The following KDM4B variants were observed in gnomAD, a reference collection of about 807,000 sequenced individuals.
The protein encoded by KDM4B is lysine demethylase 4B.
In KDM4B, 32 loss-of-function variants were observed where a neutral mutation model predicts 125.2. The ratio of observed to expected loss-of-function variants is 0.26; its 90% CI spans 0.19 to 0.34. KDM4B has a LOEUF of 0.34. KDM4B is among the 10% of genes least tolerant of loss of function. The pLI, the probability that KDM4B is intolerant of heterozygous loss-of-function variation, is 1.00. For synonymous variants in KDM4B, 721 were observed against 677.9 expected (o/e 1.06, Z -0.99); for missense variants, 1,190 against 1,577.7 (o/e 0.75, Z 4.16).
chr19:5,032,451 C>T (rs896249307), intron 2 of KDM4B, among the ~76,000 whole-genome samples: 2 of 152,212 alleles, frequency 1.3e-5, no homozygotes, highest in East Asian at 1.9e-4. Flanking sequence ...CACCCATGGC[C>T]GCCCTCACCT....
chr19:5,132,074 G>T, intron 13 of KDM4B, 67 bp downstream of exon 13: 1 of 1,483,586 alleles, frequency 6.7e-7, no homozygotes. Flanking sequence ...GCTGGAGGGG[G>T]GGCCTGGCTC....
At chr19:5,126,116 A>C (rs919321428) in intron 11 of KDM4B, among the ~76,000 whole-genome samples, 1 of 152,056 alleles carries the variant, frequency 6.6e-6, no homozygotes. Flanking sequence ...GTGTTTTCAT[A>C]TGGAACAAGC....
intron 1 of KDM4B, among the ~76,000 whole-genome samples, chr19:4,989,834 G>T (rs1370753913): frequency 6.6e-6 from 1 of 152,142 alleles, no homozygotes; most frequent in Non-Finnish European, 1.5e-5. Context: ...TGCATTTTTA[G>T]TAGAGATAGG....
intron 1 of KDM4B, among the ~76,000 whole-genome samples, chr19:5,014,325 G>A (rs1052777700): frequency 6.6e-6 from 1 of 152,144 alleles, no homozygotes; most frequent in Non-Finnish European, 1.5e-5. Context: ...TGCCCAGGCT[G>A]GGGTGCAGTG....
chr19:4,982,634 G>A (rs1270202275), intron 1 of KDM4B, among the ~76,000 whole-genome samples: 2 of 149,162 alleles, frequency 1.3e-5, no homozygotes, highest in South Asian at 2.1e-4. Context: ...TTTTTTTGTG[G>A]CGGAGTCTCA....
intron 1 of KDM4B, among the ~76,000 whole-genome samples, chr19:5,007,082 A>G (rs532590759): frequency 2.2e-4 from 33 of 152,254 alleles, no homozygotes; most frequent in Non-Finnish European, 4.7e-4. Context: ...AATCTTCTAG[A>G]AGGGCCTTGG....
At chr19:5,042,537 C>T (rs1208417635) in intron 5 of KDM4B, among the ~76,000 whole-genome samples, 4 of 151,592 alleles carry the variant, frequency 2.6e-5, no homozygotes, top group Admixed American at 6.6e-5. Flanking sequence ...ACACCTGAGA[C>T]TGGGTAGTGA....
intron 1 of KDM4B, among the ~76,000 whole-genome samples, chr19:5,012,347 G>A (rs1193879139): frequency 2.0e-5 from 3 of 152,320 alleles, no homozygotes; most frequent in South Asian, 2.1e-4. Context: ...CTGTTGTGGC[G>A]CATTTGTCTC....
intron 6 of KDM4B, among the ~76,000 whole-genome samples, chr19:5,059,387 C>T (rs1351641377): frequency 1.3e-5 from 2 of 152,246 alleles, no homozygotes; most frequent in Non-Finnish European, 2.9e-5. Flanking sequence ...CCTCATTCAG[C>T]AGCCTCCCGC....
chr19:5,013,642 G>T (rs1188387134), intron 1 of KDM4B, among the ~76,000 whole-genome samples: 1 of 152,170 alleles, frequency 6.6e-6, no homozygotes, highest in Non-Finnish European at 1.5e-5. Flanking sequence ...ACAGCGCAGC[G>T]TTTTCCAGGC....
intron 2 of KDM4B, among the ~76,000 whole-genome samples, chr19:5,032,153 C>G (rs1444365760): frequency 6.6e-6 from 1 of 152,228 alleles, no homozygotes; most frequent in Admixed American, 6.5e-5. Context: ...CCGCAGCCTC[C>G]GTGGAGAGGA....
intron 21 of KDM4B, among the ~76,000 whole-genome samples, chr19:5,148,488 G>A (rs1025117800): frequency 6.6e-6 from 1 of 152,226 alleles, no homozygotes; most frequent in African/African-American, 2.4e-5. Context: ...TCTAGAACGC[G>A]CCTTCCCCTC....
At chr19:5,038,081 C>T (rs932769451) in intron 3 of KDM4B, among the ~76,000 whole-genome samples, 4 of 152,318 alleles carry the variant, frequency 2.6e-5, no homozygotes, top group South Asian at 2.1e-4. Flanking sequence ...TGGCCCGGGG[C>T]GCGGAGGGGC....
At chr19:5,103,107 C>T (rs752830437) in intron 9 of KDM4B, among the ~76,000 whole-genome samples, 2 of 152,130 alleles carry the variant, frequency 1.3e-5, no homozygotes, top group Admixed American at 1.3e-4. Context: ...TTGGAAGGCA[C>T]TGCTGCCAGT....
intron 3 of KDM4B, among the ~76,000 whole-genome samples, chr19:5,038,749 A>G (rs553594714): frequency 6.6e-6 from 1 of 152,254 alleles, no homozygotes; most frequent in African/African-American, 2.4e-5. Flanking sequence ...GAGCTCTGCC[A>G]TTCCTCCCAC....
At chr19:5,016,127 C>G (rs1466518365) in intron 1 of KDM4B, 130 bp from the exon 2 acceptor site, 1 of 152,150 alleles carries the variant, frequency 6.6e-6, no homozygotes, top group Non-Finnish European at 1.5e-5. Flanking sequence ...TAAAAATTGA[C>G]AAGAATGTGG....
At position 5,047,574 on chromosome 19, in the gene KDM4B, G is replaced by C. The variant is rs749697727; in HGVS notation, c.531G>C (p.Leu177=). ...TIIEGVNTPY[L]YFGMWKTTFA... is the part of the protein sequence containing the mutation. Reference sequence around the variant, plus strand: ...TCGAGGGCGTGAACACGCCCTACCTGTACTTCGGCATGTGGAAGACCACCT... The same window carrying C: ...TCGAGGGCGTGAACACGCCCTACCTCTACTTCGGCATGTGGAAGACCACCT... Residue 177 remains leucine (L), a synonymous_variant, in exon 6 of 23, where the codon CTG becomes CTC. Transcript: ENST00000159111. 1.2e-6 allele frequency: 2 copies of C among 1,614,060 alleles called. No individual in the cohort carries two copies. The highest frequency in any genetic ancestry group is 1.1e-5 in the South Asian group (1 of 91,092).
chr19:5,135,530 C>T lies in KDM4B; in HGVS notation c.2277C>T (p.Ala759=). 6.2e-7 allele frequency: 1 copy of T among 1,607,072 alleles called. No individual in the cohort carries two copies. Among genetic ancestry groups the T allele is most frequent in the Non-Finnish European group, 8.5e-7 (1 of 1,177,886 alleles). ...IGDDGTSPLI[A]CGKCCLQVHA... ...ACGACGGGACCAGCCCCCTGATCGC[C>T]TGCGGCAAGTGCTGCCTGCAGGTCC... The change falls in exon 15 of 23, where the codon GCC becomes GCT. Residue 759 remains alanine (A), a synonymous_variant. Coordinates refer to ENST00000159111, the MANE Select transcript of KDM4B (RefSeq NM_015015.3).
At chr19:4,972,333 G>A (rs902891342) in intron 1 of KDM4B, among the ~76,000 whole-genome samples, 5 of 152,194 alleles carry the variant, frequency 3.3e-5, no homozygotes, top group African/African-American at 1.2e-4. Flanking sequence ...GGTGTAATGG[G>A]AACACCTCCC....
Sources: gnomAD v4.1 joint callset for allele counts (sites outside exome capture counted in the v4.1 genomes callset) on GRCh38, gnomAD v4.1.1 for gene constraint, MANE v1.5 for transcripts, NCBI Gene and HGNC (gene_info 2026-07-23, HGNC 2026-07-21) for gene names.